Variants in HMG20A observed in about 807,000 individuals in gnomAD.
HMG20A encodes the protein high mobility group protein 20A.
HMG20A carries 17 observed loss-of-function variants against 43.9 expected under a neutral mutation model. That is an observed-to-expected ratio of 0.39 (90% CI 0.27 to 0.58). The LOEUF is 0.58. Among genes scored for constraint, HMG20A ranks in the 20% least tolerant of loss-of-function variants. The pLI is 0.59. For synonymous variants in HMG20A, 132 were observed against 147.5 expected (o/e 0.89, Z 0.76); for missense variants, 341 against 438.2 (o/e 0.78, Z 1.98).
the HMG20A span, among the ~76,000 whole-genome samples, chr15:77,499,478 C>G: frequency 3.3e-5 from 5 of 152,120 alleles, no homozygotes; most frequent in Non-Finnish European, 7.3e-5. Context: ...ACGCCTCTCC[C>G]CAGCTCTTTA....
chr15:77,428,977 A>G (rs116951852), intron 1 of HMG20A, among the ~76,000 whole-genome samples: 2 of 150,598 alleles, frequency 1.3e-5, no homozygotes, highest in East Asian at 1.9e-4. Context: ...AAAAAAAAAA[A>G]GGAGGGGGGA....
chr15:77,422,018 C>G (rs2073362614), intron 1 of HMG20A, among the ~76,000 whole-genome samples: 1 of 152,170 alleles, frequency 6.6e-6, no homozygotes, highest in African/African-American at 2.4e-5. Context: ...TAAGAACTTT[C>G]TGGTTTTCAG....
rs1381131252 is a variant in HMG20A, at chr15:77,432,670, C to T, written c.-5+11666C>T. Among the ~76,000 whole-genome samples the T allele has an allele frequency of 2.1e-5, 3 of 144,288 alleles. No homozygotes were observed. The Admixed American group carries it at 2.2e-4, about 10-fold the overall frequency. 94.7% of individuals were successfully genotyped at this position (144,288 alleles called of 152,430 possible). On this transcript the variant is annotated intron_variant, in intron 1 of 9. Transcript: ENST00000336216. Reference sequence around the variant, plus strand: ...CCTGGAGGCGGAGGTTGCAGTAAGCCGAGATCGCGCCATTGCACTCCAACC... The same window carrying T: ...CCTGGAGGCGGAGGTTGCAGTAAGCTGAGATCGCGCCATTGCACTCCAACC...
chr15:77,455,390 C>T (rs2072644624), intron 1 of HMG20A, among the ~76,000 whole-genome samples: 1 of 150,968 alleles, frequency 6.6e-6, no homozygotes, highest in South Asian at 2.1e-4. Context: ...TTATAATCAT[C>T]ATTAAAATAT....
the HMG20A span, among the ~76,000 whole-genome samples, chr15:77,510,865 C>T: frequency 1.2e-4 from 18 of 152,356 alleles, no homozygotes; most frequent in East Asian, 2.5e-3. Flanking sequence ...TTACCTGGGG[C>T]GGAAATGCGC....
chr15:77,500,859 G>T, the HMG20A span, among the ~76,000 whole-genome samples: 3 of 151,216 alleles, frequency 2.0e-5, no homozygotes, highest in African/African-American at 4.9e-5. Flanking sequence ...ATGAGCCACC[G>T]CGCCTGGCCC....
the HMG20A span, among the ~76,000 whole-genome samples, chr15:77,517,071 C>G: frequency 6.6e-6 from 1 of 152,190 alleles, no homozygotes; most frequent in Non-Finnish European, 1.5e-5. Flanking sequence ...CACCAATGCT[C>G]ACCTTGGTCC....
At chr15:77,440,010 T>G (rs1419046321) in intron 1 of HMG20A, among the ~76,000 whole-genome samples, 1 of 152,044 alleles carries the variant, frequency 6.6e-6, no homozygotes, top group African/African-American at 2.4e-5. Context: ...TTTAGCCCCC[T>G]TTTTTAAAAA....
At chr15:77,440,939 G>A (rs932168696) in intron 1 of HMG20A, among the ~76,000 whole-genome samples, 4 of 151,988 alleles carry the variant, frequency 2.6e-5, no homozygotes, top group African/African-American at 9.7e-5. Context: ...TACTTGATAC[G>A]GCAGATGTGT....
chr15:77,455,053 G>A (rs1423744776), intron 1 of HMG20A, among the ~76,000 whole-genome samples: 2 of 151,684 alleles, frequency 1.3e-5, no homozygotes, highest in South Asian at 2.1e-4. Flanking sequence ...TAGGGAAGTG[G>A]GGTTAGCATG....
intron 1 of HMG20A, among the ~76,000 whole-genome samples, chr15:77,430,758 G>T (rs2073476217): frequency 6.6e-6 from 1 of 152,164 alleles, no homozygotes; most frequent in African/African-American, 2.4e-5. Context: ...GCTAGGCAGA[G>T]TCTAGAACTG....
intron 1 of HMG20A, among the ~76,000 whole-genome samples, chr15:77,442,071 C>A (rs947373817): frequency 6.6e-6 from 1 of 152,120 alleles, no homozygotes; most frequent in Non-Finnish European, 1.5e-5. Flanking sequence ...CAACAACTTA[C>A]CAAAAGCTTG....
chr15:77,437,970 G>A (rs189065150), intron 1 of HMG20A, among the ~76,000 whole-genome samples: 3 of 151,232 alleles, frequency 2.0e-5, no homozygotes, highest in Admixed American at 6.6e-5. Context: ...AATTTTGTTC[G>A]TTTTTTTGAG....
At chr15:77,436,152 C>T (rs192406117) in intron 1 of HMG20A, among the ~76,000 whole-genome samples, 36 of 152,318 alleles carry the variant, frequency 2.4e-4, no homozygotes, top group Admixed American at 2.2e-3. Flanking sequence ...ACTTCTACAT[C>T]TCGAGTATTC....
chr15:77,517,370 G>A, the HMG20A span, among the ~76,000 whole-genome samples: 2 of 152,096 alleles, frequency 1.3e-5, no homozygotes, highest in African/African-American at 4.8e-5. Flanking sequence ...TTTACTGAAT[G>A]CTTGTTGAAT....
chr15:77,471,886 T>A lies in HMG20A; in HGVS notation c.615+72T>A, dbSNP rs1595929603. The A allele has an allele frequency of 3.2e-5, 4 of 125,624 alleles. No homozygotes were observed. The South Asian group carries it at 6.9e-4, about 22-fold the overall frequency. The allele number at this position is 125,624 out of a possible 1,614,324, so 7.8% of individuals were successfully genotyped here. On this transcript the variant is annotated intron_variant, in intron 6 of 9. Transcript: ENST00000336216. The stretch of plus-strand genomic sequence containing the variant: ...TGTTGCTTTTTGAAATGCTATTGGA[T>A]TTTTTTTTTTTTAATGAATGGCAAA...
At chr15:77,468,673 T>G (rs979563518) in intron 4 of HMG20A, among the ~76,000 whole-genome samples, 1 of 151,942 alleles carries the variant, frequency 6.6e-6, no homozygotes, top group Admixed American at 6.6e-5. Context: ...TTTAATCATG[T>G]GAGGATAAAT....
chr15:77,469,469 C>T (rs2072786852), intron 4 of HMG20A, among the ~76,000 whole-genome samples: 3 of 151,912 alleles, frequency 2.0e-5, no homozygotes, highest in Non-Finnish European at 4.4e-5. Flanking sequence ...ACCTTAGCCT[C>T]CTAAGTAGCA....
At chr15:77,492,226 A>T in the HMG20A span, among the ~76,000 whole-genome samples, 3 of 152,236 alleles carry the variant, frequency 2.0e-5, no homozygotes, top group African/African-American at 7.2e-5. Context: ...TCTAATAATG[A>T]CCATAATTTT....
Sources: allele counts gnomAD v4.1 joint callset (sites outside exome capture counted in the v4.1 genomes callset), GRCh38; gene constraint gnomAD v4.1.1; transcripts MANE v1.5; gene names NCBI Gene and HGNC (gene_info 2026-07-23, HGNC 2026-07-21).